Variants in TIAM2 observed in about 807,000 individuals in gnomAD.
The protein encoded by TIAM2 is rho guanine nucleotide exchange factor TIAM2.
TIAM2 carries 80 observed loss-of-function variants against 152.9 expected under a neutral mutation model. The observed-to-expected ratio is 0.52, with a 90% CI of 0.44 to 0.63. The LOEUF (loss-of-function observed/expected upper bound fraction) is 0.63. Ranked by LOEUF, TIAM2 falls within the 30% of genes least tolerant of loss-of-function variation. TIAM2 has a pLI of 0.00. For missense variants in TIAM2, 1,965 were observed against 2,120.1 expected, an observed-to-expected ratio of 0.93 and a Z score of 1.44; for synonymous variants, 804 against 838.0, an observed-to-expected ratio of 0.96 and a Z score of 0.70.
chr6:155,168,790 GC>G, intron 9 of TIAM2: 1 of 1,393,134 alleles, frequency 7.2e-7, no homozygotes, highest in Non-Finnish European at 9.6e-7. Flanking sequence ...AGGGTAGCTG[GC>G]AGATGAATAT....
In TIAM2 at chr6:155,137,537, G is replaced by A. The variant is rs972266244; in HGVS notation, c.1555G>A (p.Val519Ile). The A allele has an allele frequency of 1.9e-6, 3 of 1,613,652 alleles. No homozygotes were observed. Among genetic ancestry groups the A allele is most frequent in the Non-Finnish European group, 2.5e-6 (3 of 1,180,038 alleles). ...KAGWLFFKPL[V>I]TVQKERKLEL... ...CGGGTGGCTCTTCTTCAAGCCCCTG[G>A]TCACTGTGCAGAAGGAAAGGAAGCT... Residue 519 changes from valine to isoleucine, a missense_variant, in exon 5 of 27, where the codon GTC becomes ATC. Coordinates refer to ENST00000682666, the MANE Select transcript of TIAM2 (RefSeq NM_012454.4).
intron 1 of TIAM2, among the ~76,000 whole-genome samples, chr6:155,075,957 A>T (rs535661591): frequency 6.6e-6 from 1 of 152,218 alleles, no homozygotes; most frequent in Non-Finnish European, 1.5e-5. Context: ...TAGCGAAGCA[A>T]CAGCATAGCA....
chr6:155,036,912 CTGGCCTGGAGAAATTCT>C (rs1172241094), intron 1 of TIAM2, among the ~76,000 whole-genome samples: 1 of 152,176 alleles, frequency 6.6e-6, no homozygotes, highest in Non-Finnish European at 1.5e-5. Context: ...GCCACCGCGC[CTGGCCTGGAGAAATTCT>C]TAAAGTTCAG....
At chr6:155,082,217 C>T (rs1010479960) in intron 1 of TIAM2, among the ~76,000 whole-genome samples, 4 of 152,050 alleles carry the variant, frequency 2.6e-5, no homozygotes, top group Admixed American at 6.6e-5. Context: ...GTGGTGCATA[C>T]GTATAGTCTC....
chr6:155,133,922 G>T (rs1399827727), intron 4 of TIAM2, among the ~76,000 whole-genome samples: 5 of 152,124 alleles, frequency 3.3e-5, no homozygotes, highest in East Asian at 3.9e-4. Context: ...TCTCCATGTT[G>T]GTCAGGCTGG....
chr6:155,120,768 A>G (rs1031792292), intron 2 of TIAM2, among the ~76,000 whole-genome samples: 75 of 152,342 alleles, frequency 4.9e-4, no homozygotes, highest in African/African-American at 1.7e-3. Flanking sequence ...TACGGGGTTC[A>G]GTAGTATCCC....
chr6:155,064,157 C>T (rs911300440), intron 1 of TIAM2, among the ~76,000 whole-genome samples: 5 of 152,170 alleles, frequency 3.3e-5, no homozygotes, highest in African/African-American at 7.2e-5. Flanking sequence ...ACAATCTACA[C>T]ATTTACCTGT....
chr6:155,244,172 C>A, intron 17 of TIAM2, 93 bp downstream of exon 17: 3 of 1,205,052 alleles, frequency 2.5e-6, no homozygotes, highest in Non-Finnish European at 3.7e-6. Flanking sequence ...CTCTGTTGAT[C>A]CCAAAAGAAC....
At chr6:155,026,398 T>A (rs1371707630) in intron 1 of TIAM2, among the ~76,000 whole-genome samples, 1 of 152,244 alleles carries the variant, frequency 6.6e-6, no homozygotes, top group African/African-American at 2.4e-5. Flanking sequence ...GCAATGATAA[T>A]TGAGTTTCTC....
chr6:155,241,426 C>T (rs894362697), intron 16 of TIAM2, among the ~76,000 whole-genome samples: 22 of 152,122 alleles, frequency 1.4e-4, no homozygotes, highest in Non-Finnish European at 2.6e-4. Flanking sequence ...GGGTCCAGGC[C>T]CGGCTTTGCC....
chr6:155,002,333 C>T (rs979320735), intron 1 of TIAM2, among the ~76,000 whole-genome samples: 3 of 152,284 alleles, frequency 2.0e-5, no homozygotes, highest in Admixed American at 1.3e-4. Context: ...ATTGTTTGAA[C>T]CCAGGAGGTC....
chr6:155,232,652 G>A (rs1782530925), intron 15 of TIAM2: 1 of 152,226 alleles, frequency 6.6e-6, no homozygotes, highest in African/African-American at 2.4e-5. Context: ...TCAGCACAGA[G>A]TGGGTCAGGA....
At chr6:155,111,188 A>G (rs1778838275) in intron 2 of TIAM2, among the ~76,000 whole-genome samples, 1 of 152,150 alleles carries the variant, frequency 6.6e-6, no homozygotes, top group African/African-American at 2.4e-5. Flanking sequence ...TTAAAGATAA[A>G]TGAAAGGAAG....
intron 2 of TIAM2, among the ~76,000 whole-genome samples, chr6:155,119,166 C>T (rs1358272418): frequency 6.6e-6 from 1 of 151,876 alleles, no homozygotes; most frequent in Non-Finnish European, 1.5e-5. Flanking sequence ...TCCCGAGTAG[C>T]TGGGATTACA....
chr6:155,243,956 C>T (rs6918157), intron 16 of TIAM2, 55 bp from the exon 17 acceptor site: 540,078 of 1,462,978 alleles, frequency 0.37, 107,797 homozygotes, highest in Middle Eastern at 0.5. Flanking sequence ...ACCCAAATCT[C>T]ATGGGTATTT....
intron 9 of TIAM2, among the ~76,000 whole-genome samples, chr6:155,173,578 A>C (rs1366377969): frequency 2.6e-5 from 4 of 152,216 alleles, no homozygotes; most frequent in Non-Finnish European, 4.4e-5. Context: ...CTGAAAACGG[A>C]CAGCGTTTAC....
At chr6:155,167,430 C>G (rs1780472023) in intron 9 of TIAM2, among the ~76,000 whole-genome samples, 1 of 152,112 alleles carries the variant, frequency 6.6e-6, no homozygotes, top group Non-Finnish European at 1.5e-5. Context: ...CCATGTTGGC[C>G]AGGCTGGTCT....
chr6:155,044,343 C>T (rs1485384446), intron 1 of TIAM2, among the ~76,000 whole-genome samples: 1 of 152,178 alleles, frequency 6.6e-6, no homozygotes, highest in Non-Finnish European at 1.5e-5. Context: ...ACGATAGGAC[C>T]ATACTGCAGA....
chr6:155,018,448 C>T (rs894580648), intron 1 of TIAM2, among the ~76,000 whole-genome samples: 6 of 151,328 alleles, frequency 4.0e-5, no homozygotes, highest in African/African-American at 7.3e-5. Flanking sequence ...AGTGAAACCC[C>T]GTGTCACTAA....
Sources: allele counts gnomAD v4.1 joint callset (sites outside exome capture counted in the v4.1 genomes callset), GRCh38; gene constraint gnomAD v4.1.1; transcripts MANE v1.5; gene names NCBI Gene and HGNC (gene_info 2026-07-23, HGNC 2026-07-21).